MYO3A: variants seen among roughly 807,000 people sequenced by gnomAD.
MYO3A encodes the protein myosin-IIIa.
In MYO3A, 180 loss-of-function variants were observed where a neutral mutation model predicts 192.7. The observed-to-expected ratio is 0.93, with a 90% CI of 0.83 to 1.06. The LOEUF is 1.06. MYO3A is among the 50% of genes least tolerant of loss of function. MYO3A has a pLI of 0.00. For synonymous variants in MYO3A, 628 were observed against 645.3 expected (o/e 0.97, Z 0.41); for missense variants, 1,896 against 1,905.0 (o/e 1.00, Z 0.09).
At chr10:26,023,145 A>T (rs1842390773) in intron 8 of MYO3A, 1 of 152,260 alleles carries the variant, frequency 6.6e-6, no homozygotes, top group African/African-American at 2.4e-5. Flanking sequence ...AAGGATTGTG[A>T]AATGAGCTTA....
At chr10:26,196,768 G>A (rs775175960) in intron 32 of MYO3A, among the ~76,000 whole-genome samples, 2 of 152,016 alleles carry the variant, frequency 1.3e-5, no homozygotes, top group African/African-American at 2.4e-5. Flanking sequence ...TTAAGTGAAT[G>A]AATTTTTTTT....
At chr10:26,211,012 C>T (rs1324281814) in intron 34 of MYO3A, among the ~76,000 whole-genome samples, 1 of 152,022 alleles carries the variant, frequency 6.6e-6, no homozygotes, top group African/African-American at 2.4e-5. Flanking sequence ...CACTCTTTCC[C>T]CATTACCCAG....
intron 15 of MYO3A, among the ~76,000 whole-genome samples, chr10:26,095,772 TATAAG>T (rs1836981320): frequency 6.6e-6 from 1 of 152,210 alleles, no homozygotes; most frequent in Admixed American, 6.5e-5. Flanking sequence ...ATTTGAGACT[TATAAG>T]AAAGAGATTC....
chr10:26,169,490 T>TAC (rs1256837504), intron 28 of MYO3A, among the ~76,000 whole-genome samples: 2 of 152,070 alleles, frequency 1.3e-5, no homozygotes, highest in Non-Finnish European at 2.9e-5. Context: ...TTTTAACCTA[T>TAC]ACACACACAC....
intron 17 of MYO3A, among the ~76,000 whole-genome samples, chr10:26,097,458 A>G (rs916584289): frequency 5.3e-5 from 8 of 151,990 alleles, no homozygotes; most frequent in Admixed American, 3.9e-4. Flanking sequence ...ACATATGTAT[A>G]CATGTGCCAT....
chr10:26,197,603 G>C lies in MYO3A; in HGVS notation c.4546-3662G>C, dbSNP rs544468864. Among the ~76,000 whole-genome samples the C allele has an allele frequency of 1.4e-4, 21 of 152,256 alleles. 1 individual carries two copies. Among genetic ancestry groups the C allele is most frequent in the African/African-American group, 4.8e-4 (20 of 41,548 alleles). ...TTTTGAGACAGAGTCTCACTTTGTT[G>C]CCCAGGCTGGAATGCAGTGGCCCAA... On this transcript the variant is annotated intron_variant, in intron 32 of 34. Transcript: ENST00000642920.
At chr10:26,187,713 T>C (rs1340683507) in intron 31 of MYO3A, among the ~76,000 whole-genome samples, 1 of 142,562 alleles carries the variant, frequency 7.0e-6, no homozygotes, top group African/African-American at 2.6e-5. Context: ...CATTGTTCAA[T>C]TCCCACCTGT....
At position 26,110,715 on chromosome 10, in the gene MYO3A, C is replaced by G. The variant is rs865890955; in HGVS notation, c.1777-9961C>G. 1.8e-4 allele frequency among the ~76,000 whole-genome samples: 27 copies of G among 152,086 alleles called. 2 individuals carry two copies. In the South Asian group the frequency reaches 5.0e-3, roughly 28 times the overall value. Reference sequence around the variant, plus strand: ...TAGAGTGTGCATACCCTTGTACATGCCATGAGGTCTGCGTGGTAGGCATCC... The same window carrying G: ...TAGAGTGTGCATACCCTTGTACATGGCATGAGGTCTGCGTGGTAGGCATCC... On this transcript the variant is annotated intron_variant, in intron 17 of 34. Transcript: ENST00000642920.
intron 10 of MYO3A, among the ~76,000 whole-genome samples, chr10:26,036,498 C>CTGCA: frequency 6.6e-6 from 1 of 152,258 alleles, no homozygotes; most frequent in South Asian, 2.1e-4. Context: ...GCCAACAAAA[C>CTGCA]TGCATTCAGT....
intron 10 of MYO3A, among the ~76,000 whole-genome samples, chr10:26,040,173 GT>G (rs774273846): frequency 1.3e-3 from 175 of 134,556 alleles, no homozygotes; most frequent in Middle Eastern, 4.0e-3. Flanking sequence ...CCCTTTTCCT[GT>G]TTTTTTTTTT....
At chr10:25,992,615 T>A (rs1014983725) in intron 4 of MYO3A, among the ~76,000 whole-genome samples, 17 of 152,256 alleles carry the variant, frequency 1.1e-4, no homozygotes, top group African/African-American at 3.9e-4. Flanking sequence ...CTTCCAGTTT[T>A]TGCCCATTCA....
intron 19 of MYO3A, among the ~76,000 whole-genome samples, chr10:26,127,691 T>TCA (rs1839296372): frequency 6.6e-6 from 1 of 151,708 alleles, no homozygotes; most frequent in South Asian, 2.1e-4. Context: ...TTTTTATAAT[T>TCA]CACATCAAAA....
chr10:26,072,259 T>C (rs956973018), intron 14 of MYO3A, among the ~76,000 whole-genome samples: 40 of 152,116 alleles, frequency 2.6e-4, no homozygotes, highest in Non-Finnish European at 5.4e-4. Context: ...AGATGAGATT[T>C]TGGTGGGGAC....
intron 4 of MYO3A, among the ~76,000 whole-genome samples, chr10:25,995,500 C>T (rs2130892520): frequency 6.6e-6 from 1 of 152,218 alleles, no homozygotes; most frequent in East Asian, 1.9e-4. Context: ...CTTCTTCTCT[C>T]AAATCATCAG....
chr10:26,124,090 G>A (rs1409477027), intron 18 of MYO3A, among the ~76,000 whole-genome samples: 2 of 149,326 alleles, frequency 1.3e-5, no homozygotes, highest in Non-Finnish European at 3.0e-5. Context: ...ATGGGAGGCT[G>A]AAGTAGGAGG....
At chr10:26,077,542 G>A (rs190069097) in intron 14 of MYO3A, among the ~76,000 whole-genome samples, 4 of 151,946 alleles carry the variant, frequency 2.6e-5, no homozygotes, top group African/African-American at 7.2e-5. Flanking sequence ...TGTTGAAGAC[G>A]AGTGGTAAGA....
rs758854386 is a variant in MYO3A at position 26,125,381 on chromosome 10, A to G, written c.1904-17A>G. 1.2e-6 allele frequency: 2 copies of G among 1,613,272 alleles called. No individual in the cohort carries two copies. The highest frequency in any genetic ancestry group is 1.1e-5 in the South Asian group (1 of 91,038). ...TTGCCATAATTTCTTCTAACAATGC[A>G]TCTGTTTGTTTTTCAGGTGCTTCTT... On this transcript the variant is annotated splice_polypyrimidine_tract_variant and intron_variant, in intron 18 of 34. Transcript: ENST00000642920.
intron 6 of MYO3A, among the ~76,000 whole-genome samples, chr10:26,006,940 T>G (rs1321777576): frequency 1.3e-5 from 2 of 149,548 alleles, no homozygotes; most frequent in Non-Finnish European, 3.0e-5. Context: ...AAAGAGAATT[T>G]TAGACCAATA....
chr10:26,098,240 C>T (rs1017310677), intron 17 of MYO3A, among the ~76,000 whole-genome samples: 1 of 152,152 alleles, frequency 6.6e-6, no homozygotes, highest in Non-Finnish European at 1.5e-5. Context: ...ATATCCTTCG[C>T]CCACTTTTTG....
Sources: gnomAD v4.1 joint callset for allele counts (sites outside exome capture counted in the v4.1 genomes callset) on GRCh38, gnomAD v4.1.1 for gene constraint, MANE v1.5 for transcripts, NCBI Gene and HGNC (gene_info 2026-07-23, HGNC 2026-07-21) for gene names.